RAB1A: variants seen among roughly 807,000 people sequenced by gnomAD.
RAB1A encodes the protein RAB1A, member RAS oncogene family.
In RAB1A, 2 loss-of-function variants were observed where a neutral mutation model predicts 26.0. That is an observed-to-expected ratio of 0.08 (90% CI 0.03 to 0.24). The LOEUF is 0.24. RAB1A is among the 10% of genes least tolerant of loss of function. The pLI is 1.00. For missense variants in RAB1A, 100 were observed against 247.0 expected, an observed-to-expected ratio of 0.40 and a Z score of 3.99; for synonymous variants, 84 against 84.9, an observed-to-expected ratio of 0.99 and a Z score of 0.06.
At chr2:65,111,361 CAAA>C (rs35527449) in intron 1 of RAB1A, among the ~76,000 whole-genome samples, 4 of 112,224 alleles carry the variant, frequency 3.6e-5, no homozygotes, top group Non-Finnish European at 3.7e-5. Context: ...GACACCATCT[CAAA>C]AAAAAAAAAA....
Position 65,104,821 on chromosome 2 carries a change from AGAAAAT to A in RAB1A, c.24-21_24-16del. The stretch of plus-strand genomic sequence containing the variant: ...ATAAATAATCACTGCAAAAAGAAAA[AGAAAAT>A]GATGTTAATAAAAAGCACACTGCAT... On this transcript the variant is annotated splice_polypyrimidine_tract_variant and intron_variant, in intron 1 of 5. Coordinates refer to ENST00000409784, the MANE Select transcript of RAB1A (RefSeq NM_004161.5). The A allele has an allele frequency of 6.3e-7, 1 of 1,594,136 alleles. No homozygotes were observed. Among genetic ancestry groups the A allele is most frequent in the South Asian group, 1.1e-5 (1 of 90,608 alleles).
At chr2:65,111,646 C>T (rs1464062806) in intron 1 of RAB1A, among the ~76,000 whole-genome samples, 1 of 152,038 alleles carries the variant, frequency 6.6e-6, no homozygotes, top group African/African-American at 2.4e-5. Flanking sequence ...TTAATTTGGA[C>T]AAATGTACCA....
intron 1 of RAB1A, among the ~76,000 whole-genome samples, chr2:65,122,246 T>TTTC (rs1669982467): frequency 6.6e-6 from 1 of 151,702 alleles, no homozygotes; most frequent in Non-Finnish European, 1.5e-5. Context: ...ATTTTCAGTT[T>TTTC]TTCTTCATCT....
chr2:65,119,562 AAAAAAAAC>A (rs897875920), intron 1 of RAB1A, among the ~76,000 whole-genome samples: 1 of 16,732 alleles, frequency 6.0e-5, no homozygotes, highest in Non-Finnish European at 1.5e-4. Context: ...CTCTGTCTCA[AAAAAAAAC>A]AAAAAAACAA....
chr2:65,091,190 T>A, intron 3 of RAB1A, 112 bp from the exon 4 acceptor site: 4 of 770,282 alleles, frequency 5.2e-6, no homozygotes, highest in Non-Finnish European at 8.5e-6. Flanking sequence ...ATTATCAGGA[T>A]GTGATATAGA....
At chr2:65,108,726 A>C (rs547974229) in intron 1 of RAB1A, among the ~76,000 whole-genome samples, 2 of 152,284 alleles carry the variant, frequency 1.3e-5, no homozygotes, top group South Asian at 4.1e-4. Context: ...GAATCACTTG[A>C]ACCCGAGAGG....
intron 3 of RAB1A, among the ~76,000 whole-genome samples, chr2:65,095,879 C>T (rs1167099917): frequency 6.6e-6 from 1 of 152,080 alleles, no homozygotes; most frequent in Non-Finnish European, 1.5e-5. Flanking sequence ...GAAGGCTGGG[C>T]ACAGTGGCTC....
chr2:65,129,696 G>A (rs907960152), intron 1 of RAB1A, among the ~76,000 whole-genome samples, 197 bp downstream of exon 1: 2 of 151,770 alleles, frequency 1.3e-5, no homozygotes, highest in Admixed American at 6.6e-5. Flanking sequence ...CACCCCTCCG[G>A]CCCGACCCCT....
At chr2:65,111,626 T>C (rs1444273797) in intron 1 of RAB1A, among the ~76,000 whole-genome samples, 1 of 152,206 alleles carries the variant, frequency 6.6e-6, no homozygotes, top group Non-Finnish European at 1.5e-5. Flanking sequence ...ACTGTACCAA[T>C]GTTTATTTCT....
rs376679864 is a variant in RAB1A at position 65,092,676 on chromosome 2, G to A, written c.193-1598C>T. On this transcript the variant is annotated intron_variant, in intron 3 of 5. Transcript: ENST00000409784. ...CCTTTTTATCCAAAATGGAGGTATT[G>A]CTATGTTGCCCAGGCAGATCTTGAA... Among the ~76,000 whole-genome samples the A allele has an allele frequency of 1.5e-3, 221 of 152,302 alleles. 3 individuals carry two copies. Among genetic ancestry groups the A allele is most frequent in the African/African-American group, 5.1e-3 (214 of 41,556 alleles).
intron 1 of RAB1A, among the ~76,000 whole-genome samples, chr2:65,121,302 A>G (rs2103879489): frequency 6.6e-6 from 1 of 151,718 alleles, no homozygotes; most frequent in African/African-American, 2.4e-5. Context: ...AGCACCTAGT[A>G]TTATTAAAAA....
rs562837717 is a variant in RAB1A, at chr2:65,114,738, G to A, written c.24-9932C>T. On this transcript the variant is annotated intron_variant, in intron 1 of 5. Transcript: ENST00000409784. ...CGGGCGCCTGTAGTCCCAGCTACTCGGGAGGCTGAGGCAGGAGAATGGCGT... is the reference window on the plus strand; with the variant it reads ...CGGGCGCCTGTAGTCCCAGCTACTCAGGAGGCTGAGGCAGGAGAATGGCGT... 4.6e-5 allele frequency among the ~76,000 whole-genome samples: 7 copies of A among 152,140 alleles called. No homozygotes were observed. The East Asian group carries it at 1.4e-3, about 29-fold the overall frequency.
At chr2:65,129,422 A>G (rs1032618855) in intron 1 of RAB1A, among the ~76,000 whole-genome samples, 16 of 152,104 alleles carry the variant, frequency 1.1e-4, no homozygotes, top group Non-Finnish European at 2.4e-4. Context: ...GAGAGAGCCA[A>G]CAAGCTCAGG....
intron 1 of RAB1A, among the ~76,000 whole-genome samples, chr2:65,124,486 C>T (rs1670051851): frequency 6.6e-6 from 1 of 152,100 alleles, no homozygotes; most frequent in Non-Finnish European, 1.5e-5. Flanking sequence ...CTTGCTCTGT[C>T]GCCCAGGCTG....
At chr2:65,107,491 G>A (rs529948579) in intron 1 of RAB1A, among the ~76,000 whole-genome samples, 2 of 151,976 alleles carry the variant, frequency 1.3e-5, no homozygotes, top group Admixed American at 1.3e-4. Context: ...TTTTTGGGGG[G>A]TGTTGTTTTT....
Position 65,091,179 on chromosome 2 carries a change from G to A in RAB1A, c.193-101C>T, listed in dbSNP as rs1043705380. ...ATAGTTTAGTTTTCATAACTGTGGA[G>A]ATTATCAGGATGTGATATAGAAACA... On this transcript the variant is annotated intron_variant, in intron 3 of 5. Transcript: ENST00000409784. 6 of 826,688 alleles carry A rather than the reference G, an allele frequency of 7.3e-6. No individual in the cohort carries two copies. In the South Asian group the frequency reaches 1.0e-4, roughly 14 times the overall value. The allele number at this position is 826,688 out of a possible 1,614,324, so 51.2% of individuals were successfully genotyped here.
intron 1 of RAB1A, among the ~76,000 whole-genome samples, chr2:65,124,870 C>G (rs1670060628): frequency 6.6e-6 from 1 of 152,096 alleles, no homozygotes; most frequent in Admixed American, 6.6e-5. Context: ...GGAAGAATTA[C>G]AGATGGTGAT....
chr2:65,095,116 C>A (rs1669252306), intron 3 of RAB1A, among the ~76,000 whole-genome samples: 1 of 151,684 alleles, frequency 6.6e-6, no homozygotes, highest in Non-Finnish European at 1.5e-5. Context: ...AAATTTTTGT[C>A]TCAGAAAAAA....
intron 1 of RAB1A, among the ~76,000 whole-genome samples, chr2:65,109,541 T>TA (rs528825794): frequency 0.039 from 5,599 of 145,318 alleles, 307 homozygotes; most frequent in African/African-American, 0.13. Flanking sequence ...CCGTCTCTAC[T>TA]AAAAAAAAAA....
Sources: gnomAD v4.1 joint callset for allele counts (sites outside exome capture counted in the v4.1 genomes callset) on GRCh38, gnomAD v4.1.1 for gene constraint, MANE v1.5 for transcripts, NCBI Gene and HGNC (gene_info 2026-07-23, HGNC 2026-07-21) for gene names.